The following WDR33 variants were observed in gnomAD, a reference collection of about 807,000 sequenced individuals.
WDR33 encodes the protein pre-mRNA 3' end processing protein WDR33.
In WDR33, 47 loss-of-function variants were observed where a neutral mutation model predicts 164.9. The observed-to-expected ratio is 0.29, with a 90% confidence interval of 0.23 to 0.36. WDR33 has a LOEUF of 0.36. WDR33 is among the 10% of genes least tolerant of loss of function. The pLI is 1.00. For missense variants in WDR33, 1,137 were observed against 1,754.1 expected (o/e 0.65, Z 6.28); for synonymous variants, 505 against 589.0 (o/e 0.86, Z 2.06).
intron 1 of WDR33, among the ~76,000 whole-genome samples, chr2:127,804,538 AAAAT>A (rs1689366826): frequency 6.6e-6 from 1 of 152,206 alleles, no homozygotes; most frequent in South Asian, 2.1e-4. Flanking sequence ...AATGGCTCCG[AAAAT>A]AATACATGAG....
chr2:127,768,598 T>A (rs779064351), intron 3 of WDR33, among the ~76,000 whole-genome samples: 1 of 152,184 alleles, frequency 6.6e-6, no homozygotes, highest in Non-Finnish European at 1.5e-5. Context: ...TTTAAACATG[T>A]CCACATAAAG....
intron 18 of WDR33, among the ~76,000 whole-genome samples, chr2:127,711,702 C>T (rs1686167433): frequency 6.9e-6 from 1 of 145,902 alleles, no homozygotes; most frequent in African/African-American, 2.6e-5. Flanking sequence ...TTGCTTTTCT[C>T]ACCACCCCTG....
Position 127,708,610 on chromosome 2 carries a change from C to T in WDR33, c.3781+67G>A. ...GCCCAGGCTGCAAGGGCATGTGCAG[C>T]AGATACAGGCAAGGCCTCCATCGGC... On this transcript the variant is annotated intron_variant, in intron 21 of 21. Coordinates refer to ENST00000322313, the MANE Select transcript of WDR33 (RefSeq NM_018383.5). This position sits in a 1 kb window ranked among gnomAD's most constrained non-coding sequence, Gnocchi z 6.7. 1 of 1,480,384 alleles carries T rather than the reference C, an allele frequency of 6.8e-7. No individual in the cohort carries two copies. Among genetic ancestry groups the T allele is most frequent in the Non-Finnish European group, 9.1e-7 (1 of 1,099,710 alleles). The allele number at this position is 1,480,384 out of a possible 1,614,324, so 91.7% of individuals were successfully genotyped here.
intron 1 of WDR33, among the ~76,000 whole-genome samples, chr2:127,804,578 T>C (rs1689367520): frequency 6.6e-6 from 1 of 152,038 alleles, no homozygotes; most frequent in Non-Finnish European, 1.5e-5. Flanking sequence ...AAGGGAGGAA[T>C]AAAGCAAATG....
chr2:127,733,812 A>G (rs1321861721), intron 7 of WDR33, among the ~76,000 whole-genome samples: 1 of 152,232 alleles, frequency 6.6e-6, no homozygotes, highest in African/African-American at 2.4e-5. Context: ...TCAGTTGTAC[A>G]ATGAACAGCA....
chr2:127,800,493 C>T (rs1395259776), intron 1 of WDR33, among the ~76,000 whole-genome samples: 6 of 151,908 alleles, frequency 3.9e-5, no homozygotes, highest in South Asian at 2.1e-4. Flanking sequence ...AAAAATTAGC[C>T]AGGCGTGGTG....
At position 127,701,552 on chromosome 2, in the gene WDR33, G is replaced by A; in HGVS notation, c.*4771C>T. The A allele has an allele frequency of 7.3e-7, 1 of 1,362,020 alleles. No individual in the cohort carries two copies. Among genetic ancestry groups the A allele is most frequent in the Non-Finnish European group, 9.5e-7 (1 of 1,056,300 alleles). 84.4% of individuals were successfully genotyped at this position (1,362,020 alleles called of 1,614,324 possible). Reference sequence around the variant, plus strand: ...AGATGGCGGACCTCCACCGCCAGCTGCAGGAGTACCTGGCGCAGGGGAAAG... The same window carrying A: ...AGATGGCGGACCTCCACCGCCAGCTACAGGAGTACCTGGCGCAGGGGAAAG... On this transcript the variant is annotated 3_prime_UTR_variant, in exon 22 of 22. Transcript: ENST00000322313.
rs1686405187 is a variant in WDR33 at position 127,720,276 on chromosome 2, G to A, written c.1749C>T (p.Leu583=). Residue 583 remains leucine, a synonymous_variant, in exon 16 of 22, where the codon CTC becomes CTT. Transcript: ENST00000322313. This position sits in a 1 kb window ranked among gnomAD's most constrained non-coding sequence, Gnocchi z 5.9. The part of the protein sequence containing the change: ...QPPPSSGTPL[L]GPQPFPGQGP... The stretch of plus-strand genomic sequence containing the variant: ...CTTGTCCTGGAAAAGGCTGGGGTCC[G>A]AGGAGAGGGGTGCCAGATGAGGGAG... The A allele has an allele frequency of 2.6e-6, 4 of 1,534,394 alleles. No individual in the cohort carries two copies. Among genetic ancestry groups the A allele is most frequent in the Admixed American group, 4.2e-5 (2 of 47,546 alleles).
rs569433989 is a variant in WDR33 at position 127,702,955 on chromosome 2, A to C, written c.*3368T>G. On this transcript the variant is annotated 3_prime_UTR_variant, in exon 22 of 22. Transcript: ENST00000322313. ...TATCTGGTGGAAACCATGGATTTCTACAAGCTCGAATTATTCCTCATTGTA... is the reference window on the plus strand; with the variant it reads ...TATCTGGTGGAAACCATGGATTTCTCCAAGCTCGAATTATTCCTCATTGTA... 4 of 167,212 alleles carry C rather than the reference A, an allele frequency of 2.4e-5. No individual in the cohort carries two copies. In the East Asian group the frequency reaches 7.7e-4, roughly 32 times the overall value. The allele number at this position is 167,212 out of a possible 1,614,324, so 10.4% of individuals were successfully genotyped here.
Position 127,713,487 on chromosome 2 carries a change from T to C in WDR33, c.3308+96A>G. 2 of 1,397,550 alleles carry C rather than the reference T, an allele frequency of 1.4e-6. No individual in the cohort carries two copies. Among genetic ancestry groups the C allele is most frequent in the South Asian group, 2.7e-5 (2 of 74,970 alleles). 86.6% of individuals were successfully genotyped at this position (1,397,550 alleles called of 1,614,324 possible). ...GCAGGGCTGGTAATTGATATAATTCTCTTTCCTCAAGAAAAAGAAGAAAGA... is the reference window on the plus strand; with the variant it reads ...GCAGGGCTGGTAATTGATATAATTCCCTTTCCTCAAGAAAAAGAAGAAAGA... On this transcript the variant is annotated intron_variant, in intron 18 of 21. Coordinates refer to ENST00000322313, the MANE Select transcript of WDR33 (RefSeq NM_018383.5). The surrounding 1 kb of genome is among the most constrained non-coding windows in gnomAD (Gnocchi z 6.2).
At chr2:127,739,151 T>C (rs1686945005) in intron 7 of WDR33, among the ~76,000 whole-genome samples, 1 of 152,202 alleles carries the variant, frequency 6.6e-6, no homozygotes, top group Non-Finnish European at 1.5e-5. Flanking sequence ...AAATCTGCCA[T>C]GTTCTTTTTC....
At chr2:127,803,920 C>T (rs1245010823) in intron 1 of WDR33, among the ~76,000 whole-genome samples, 1 of 146,704 alleles carries the variant, frequency 6.8e-6, no homozygotes, top group African/African-American at 2.5e-5. Context: ...TGCACTCTAG[C>T]CTGGGCAACG....
intron 7 of WDR33, among the ~76,000 whole-genome samples, chr2:127,756,517 T>C (rs542627030): frequency 6.6e-6 from 1 of 152,210 alleles, no homozygotes; most frequent in Non-Finnish European, 1.5e-5. Flanking sequence ...ATATTATACA[T>C]TTATCTAACT....
intron 7 of WDR33, among the ~76,000 whole-genome samples, chr2:127,752,825 C>CCAA (rs911490169): frequency 2.0e-5 from 3 of 152,186 alleles, no homozygotes; most frequent in Non-Finnish European, 4.4e-5. Context: ...AGCAAAAGAA[C>CCAA]CAATGATAGC....
At chr2:127,715,256 T>C (rs1420508354) in intron 17 of WDR33, among the ~76,000 whole-genome samples, 3 of 152,046 alleles carry the variant, frequency 2.0e-5, no homozygotes, top group Non-Finnish European at 4.4e-5. Context: ...GGCTAATTTT[T>C]GTATTTTCAG....
At chr2:127,804,956 T>C (rs988138211) in intron 1 of WDR33, among the ~76,000 whole-genome samples, 3 of 152,104 alleles carry the variant, frequency 2.0e-5, no homozygotes, top group Admixed American at 6.6e-5. Context: ...AAATTTGGCA[T>C]TGTAAATAAC....
At chr2:127,806,458 T>A (rs935365847) in intron 1 of WDR33, among the ~76,000 whole-genome samples, 1 of 152,138 alleles carries the variant, frequency 6.6e-6, no homozygotes, top group Non-Finnish European at 1.5e-5. Flanking sequence ...TCTGCTCACC[T>A]CAGCCTCCCA....
chr2:127,725,277 T>C, intron 8 of WDR33, 62 bp from the exon 9 acceptor site: 1 of 1,505,960 alleles, frequency 6.6e-7, no homozygotes, highest in Non-Finnish European at 8.9e-7. Flanking sequence ...ACAATGGCCA[T>C]TTTTGTTGAA....
rs772162463 is a variant in WDR33 at position 127,719,610 on chromosome 2, G to A, written c.2415C>T (p.His805=). 2.0e-5 allele frequency: 32 copies of A among 1,613,930 alleles called. 1 individual carries two copies. In the South Asian group the frequency reaches 3.2e-4, roughly 16 times the overall value. ...GPAPQGMIMG[H]PPQEMRGPHP... is the part of the protein sequence containing the mutation. Reference sequence around the variant, plus strand: ...GAGGTCCTCTCATCTCTTGAGGCGGGTGGCCCATAATCATCCCTTGGGGAG... The same window carrying A: ...GAGGTCCTCTCATCTCTTGAGGCGGATGGCCCATAATCATCCCTTGGGGAG... Residue 805 remains histidine (H), a synonymous_variant, in exon 16 of 22, where the codon CAC becomes CAT. Coordinates refer to ENST00000322313, the MANE Select transcript of WDR33 (RefSeq NM_018383.5). This position sits in a 1 kb window ranked among gnomAD's most constrained non-coding sequence, Gnocchi z 6.5.
Sources: gnomAD v4.1 joint callset for allele counts (sites outside exome capture counted in the v4.1 genomes callset) on GRCh38, gnomAD v4.1.1 for gene constraint, Gnocchi (gnomAD v3.1) non-coding constraint, MANE v1.5 for transcripts, NCBI Gene and HGNC (gene_info 2026-07-23, HGNC 2026-07-21) for gene names.